Variants in CLEC16A observed in about 807,000 individuals in gnomAD.
The protein encoded by CLEC16A is protein CLEC16A.
Under a neutral mutation model 109.5 loss-of-function variants are expected in CLEC16A, and 51 were observed. That is an observed-to-expected ratio of 0.47 (90% CI 0.37 to 0.59). The LOEUF is 0.59. CLEC16A is among the 20% of genes least tolerant of loss of function. The pLI is 0.00. For synonymous variants in CLEC16A, 673 were observed against 564.2 expected, an observed-to-expected ratio of 1.19 and a Z score of -2.73; for missense variants, 1,339 against 1,394.0, an observed-to-expected ratio of 0.96 and a Z score of 0.63.
chr16:11,147,410 T>G lies in CLEC16A; in HGVS notation c.2642-18978T>G, dbSNP rs150689209. Among the ~76,000 whole-genome samples the G allele has an allele frequency of 8.1e-3, 1,237 of 152,294 alleles. 14 individuals are homozygous for G. Among genetic ancestry groups the G allele is most frequent in the African/African-American group, 0.028 (1,170 of 41,542 alleles). On this transcript the variant is annotated intron_variant, in intron 22 of 23. Coordinates refer to ENST00000409790, the MANE Select transcript of CLEC16A (RefSeq NM_015226.3). ...AAGGGAAAGTTCTTGGACTTGGGCC[T>G]GATTTGAAGATGAAATGTTTTGAGC...
chr16:11,152,226 T>C (rs2054319075), intron 22 of CLEC16A, among the ~76,000 whole-genome samples: 1 of 152,198 alleles, frequency 6.6e-6, no homozygotes, highest in Admixed American at 6.5e-5. Flanking sequence ...CTTAGGCCGG[T>C]CATCTGGGAC....
chr16:10,995,082 C>G (rs2044249943), intron 10 of CLEC16A, among the ~76,000 whole-genome samples: 1 of 152,208 alleles, frequency 6.6e-6, no homozygotes, highest in Non-Finnish European at 1.5e-5. Context: ...TAGGATAAAG[C>G]AAGACAATGT....
chr16:10,962,767 G>A (rs1380774890), intron 3 of CLEC16A, among the ~76,000 whole-genome samples, 179 bp downstream of exon 3: 7 of 152,106 alleles, frequency 4.6e-5, no homozygotes, highest in Admixed American at 3.9e-4. Context: ...GAGCATTGAA[G>A]TCCAAGATTG....
At chr16:11,047,151 T>C (rs1646510724) in intron 16 of CLEC16A, 141 bp from the exon 17 acceptor site, 2 of 505,912 alleles carry the variant, frequency 4.0e-6, no homozygotes, top group African/African-American at 3.9e-5. Context: ...CACGTGTGCA[T>C]TTTACTTCCT....
At chr16:11,120,960 C>T (rs1379500588) in intron 20 of CLEC16A, among the ~76,000 whole-genome samples, 194 bp downstream of exon 20, 1 of 152,154 alleles carries the variant, frequency 6.6e-6, no homozygotes, top group Non-Finnish European at 1.5e-5. Context: ...GAGCAAAGTC[C>T]TCTTTGACCA....
At chr16:11,017,374 T>C (rs1393367807) in intron 11 of CLEC16A, among the ~76,000 whole-genome samples, 1 of 151,956 alleles carries the variant, frequency 6.6e-6, no homozygotes, top group African/African-American at 2.4e-5. Context: ...AGCAGAACAA[T>C]AGAGAATGTA....
intron 3 of CLEC16A, among the ~76,000 whole-genome samples, chr16:10,963,923 C>G (rs149184208): frequency 2.0e-5 from 3 of 152,316 alleles, no homozygotes; most frequent in African/African-American, 7.2e-5. Flanking sequence ...AAATTGTCCC[C>G]AGTGCCGAGG....
Position 11,120,635 on chromosome 16 carries a change from T to G in CLEC16A, c.2137T>G (p.Cys713Gly). 6.2e-7 allele frequency: 1 copy of G among 1,612,838 alleles called. No individual in the cohort carries two copies. The highest frequency in any genetic ancestry group is 8.5e-7 in the Non-Finnish European group (1 of 1,179,364). ...CCCAGATAACAGCGACTTGATTGCATGTACAGTGATCACCAAGGATGGCGG... is the reference window on the plus strand; with the variant it reads ...CCCAGATAACAGCGACTTGATTGCAGGTACAGTGATCACCAAGGATGGCGG... ...LDLNNSDLIA[C>G]TVITKDGGMV... Residue 713 changes from cysteine to glycine, a missense_variant, in exon 20 of 24, where the codon TGT becomes GGT. Cys to Gly is a radical substitution (Grantham distance 159). Coordinates refer to ENST00000409790, the MANE Select transcript of CLEC16A (RefSeq NM_015226.3).
At chr16:11,047,623 T>A (rs2047703785) in intron 17 of CLEC16A, 3 of 278,640 alleles carry the variant, frequency 1.1e-5, no homozygotes, top group Non-Finnish European at 2.0e-5. Context: ...GAGGACTTAC[T>A]CTGTGCTGGA....
At chr16:11,099,854 G>A (rs1218468436) in intron 19 of CLEC16A, among the ~76,000 whole-genome samples, 5 of 152,190 alleles carry the variant, frequency 3.3e-5, no homozygotes, top group African/African-American at 9.7e-5. Flanking sequence ...TTTCACCCCT[G>A]TTTACAGATG....
intron 10 of CLEC16A, among the ~76,000 whole-genome samples, chr16:10,993,803 A>G (rs1265004386): frequency 6.6e-6 from 1 of 152,162 alleles, no homozygotes; most frequent in African/African-American, 2.4e-5. Flanking sequence ...AATGCTCGTG[A>G]TGATCTTGCA....
chr16:11,120,173 G>A (rs1475881281), intron 19 of CLEC16A, among the ~76,000 whole-genome samples: 1 of 152,198 alleles, frequency 6.6e-6, no homozygotes, highest in Non-Finnish European at 1.5e-5. Context: ...ATTTCACCAT[G>A]TTGGCCAGTC....
At chr16:10,959,014 G>GGTGTGTGTGTGTGTGTGTGT (rs59658260) in intron 2 of CLEC16A, among the ~76,000 whole-genome samples, 1 of 146,190 alleles carries the variant, frequency 6.8e-6, no homozygotes, top group African/African-American at 2.5e-5. Context: ...ACTAAACACG[G>GGTGTGTGTGTGTGTGTGTGT]GTGTGTGTGT....
intron 23 of CLEC16A, among the ~76,000 whole-genome samples, chr16:11,166,937 T>A (rs2068292277): frequency 6.6e-6 from 1 of 152,164 alleles, no homozygotes; most frequent in South Asian, 2.1e-4. Context: ...CCTGCTGATT[T>A]TTTTTTTCCT....
intron 19 of CLEC16A, among the ~76,000 whole-genome samples, chr16:11,062,064 C>G (rs898253020): frequency 6.6e-6 from 1 of 152,154 alleles, no homozygotes; most frequent in Non-Finnish European, 1.5e-5. Context: ...ACATGACCAT[C>G]CCTGAACCAG....
chr16:11,127,612 A>T (rs761209513), intron 22 of CLEC16A, among the ~76,000 whole-genome samples: 12 of 152,220 alleles, frequency 7.9e-5, no homozygotes, highest in Non-Finnish European at 1.6e-4. Flanking sequence ...TCATGCCAGT[A>T]ATCCTAGCAC....
intron 19 of CLEC16A, among the ~76,000 whole-genome samples, chr16:11,073,719 C>T (rs904761379): frequency 1.3e-5 from 2 of 152,226 alleles, no homozygotes; most frequent in African/African-American, 2.4e-5. Context: ...CTTCCTCCTG[C>T]TCCACGTGCC....
chr16:10,992,684 C>T (rs565488968), intron 10 of CLEC16A, among the ~76,000 whole-genome samples: 172 of 152,048 alleles, frequency 1.1e-3, no homozygotes, highest in African/African-American at 4.0e-3. Context: ...GCCATACTTA[C>T]CCTTGTGCAC....
chr16:11,151,675 A>G (rs1321425640), intron 22 of CLEC16A, among the ~76,000 whole-genome samples: 3 of 152,190 alleles, frequency 2.0e-5, no homozygotes, highest in Non-Finnish European at 4.4e-5. Flanking sequence ...AATCAGTGCA[A>G]TTTCACTCAC....
Sources: gnomAD v4.1 joint callset for allele counts (sites outside exome capture counted in the v4.1 genomes callset) on GRCh38, gnomAD v4.1.1 for gene constraint, MANE v1.5 for transcripts, NCBI Gene and HGNC (gene_info 2026-07-23, HGNC 2026-07-21) for gene names.